CSNK1D: variants seen among roughly 807,000 people sequenced by gnomAD.
CSNK1D encodes the protein casein kinase I isoform delta.
CSNK1D carries 16 observed loss-of-function variants against 46.6 expected under a neutral mutation model. That is an observed-to-expected ratio of 0.34 (90% CI 0.23 to 0.52). CSNK1D has a LOEUF of 0.52. Among genes scored for constraint, CSNK1D ranks in the 20% least tolerant of loss-of-function variants. The pLI is 0.95. For missense variants in CSNK1D, 398 were observed against 578.4 expected, an observed-to-expected ratio of 0.69 and a Z score of 3.20; for synonymous variants, 276 against 228.2, an observed-to-expected ratio of 1.21 and a Z score of -1.89.
chr17:82,241,419 G>C (rs1294336738), downstream of CSNK1D, among the ~76,000 whole-genome samples: 1 of 152,250 alleles, frequency 6.6e-6, no homozygotes, highest in Admixed American at 6.5e-5. Flanking sequence ...TGAGGACACA[G>C]ACCCAGCCAG....
chr17:82,253,725 G>A (rs1453460373), intron 3 of CSNK1D: 2 of 341,588 alleles, frequency 5.9e-6, no homozygotes, highest in African/African-American at 2.2e-5. Flanking sequence ...CCAGTGAGCT[G>A]AGCCACCGAA....
At position 82,255,990 on chromosome 17, in the gene CSNK1D, G is replaced by A. The variant is rs112763482; in HGVS notation, c.188-413C>T. 8.9e-3 allele frequency among the ~76,000 whole-genome samples: 1,359 copies of A among 152,356 alleles called. 12 individuals carry two copies. The highest frequency in any genetic ancestry group is 0.031 in the African/African-American group (1,298 of 41,586). On this transcript the variant is annotated intron_variant, in intron 2 of 8. Coordinates refer to ENST00000314028, the MANE Select transcript of CSNK1D (RefSeq NM_001893.6). The surrounding 1 kb of genome is among the most constrained non-coding windows in gnomAD (Gnocchi z 5.9). Reference sequence around the variant, plus strand: ...GATGGGAGGAGAGAAAGCAGCTACCGTGGGTTAGGTGAGAGAAGAAAATAT... The same window carrying A: ...GATGGGAGGAGAGAAAGCAGCTACCATGGGTTAGGTGAGAGAAGAAAATAT...
chr17:82,252,340 T>A lies in CSNK1D; in HGVS notation c.736+94A>T. 6.8e-7 allele frequency: 1 copy of A among 1,464,346 alleles called. No individual in the cohort carries two copies. The highest frequency in any genetic ancestry group is 9.6e-7 in the Non-Finnish European group (1 of 1,045,992). The allele number at this position is 1,464,346 out of a possible 1,614,324, so 90.7% of individuals were successfully genotyped here. A position where few individuals can be genotyped will look rare whatever the true frequency, so the allele number is the denominator to read the frequency against. ...ACCCCTTTGGAAGGTGAGCAACTCT[T>A]CTGACAAAACCCAGACTGAGCCGTC... On this transcript the variant is annotated intron_variant, in intron 5 of 8. Transcript: ENST00000314028. The surrounding 1 kb of genome is among the most constrained non-coding windows in gnomAD (Gnocchi z 4.6).
At position 82,248,134 on chromosome 17, in the gene CSNK1D, G is replaced by A. The variant is rs1315198936; in HGVS notation, c.1197+741C>T. On this transcript the variant is annotated intron_variant, in intron 8 of 8. Coordinates refer to ENST00000314028, the MANE Select transcript of CSNK1D (RefSeq NM_001893.6). The surrounding 1 kb of genome is among the most constrained non-coding windows in gnomAD (Gnocchi z 4.1). ...GGCACCCCCCAGGATGCCTGCTGGT[G>A]AAACAGCCCTGCCCCACTAACCCTG... is the stretch of plus-strand genomic sequence containing the variant. The A allele has an allele frequency of 1.0e-6, 1 of 985,440 alleles. No individual in the cohort carries two copies. The highest frequency in any genetic ancestry group is 6.1e-5 in the Admixed American group (1 of 16,274). 61.0% of individuals were successfully genotyped at this position (985,440 alleles called of 1,614,324 possible).
chr17:82,243,998 T>C lies in CSNK1D; in HGVS notation c.*783A>G, dbSNP rs2050788479. The C allele has an allele frequency of 1.0e-6, 1 of 986,936 alleles. No individual in the cohort carries two copies. Among genetic ancestry groups the C allele is most frequent in the Non-Finnish European group, 1.2e-6 (1 of 830,952 alleles). 61.1% of individuals were successfully genotyped at this position (986,936 alleles called of 1,614,324 possible). A position where few individuals can be genotyped will look rare whatever the true frequency, so the allele number is the denominator to read the frequency against. On this transcript the variant is annotated 3_prime_UTR_variant, in exon 9 of 9. Transcript: ENST00000314028. The stretch of plus-strand genomic sequence containing the variant: ...CAGTGCTTTGCCTGGTAACACCCAC[T>C]GCACCCCTGCCCCGCGGCAGCCTGC...
At chr17:82,246,617 C>T in intron 8 of CSNK1D, 1 of 1,010,120 alleles carries the variant, frequency 9.9e-7, no homozygotes, top group Non-Finnish European at 1.2e-6. Context: ...GGGAACAGAC[C>T]CAGGCGGAGT....
rs1457808292 is a variant in CSNK1D, at chr17:82,273,661, C to T, written c.-280G>A. The T allele has an allele frequency of 5.6e-6, 3 of 538,314 alleles. No individual in the cohort carries two copies. Among genetic ancestry groups the T allele is most frequent in the Non-Finnish European group, 9.8e-6 (3 of 307,416 alleles). The allele number at this position is 538,314 out of a possible 1,614,324, so 33.3% of individuals were successfully genotyped here. A position where few individuals can be genotyped will look rare whatever the true frequency, so the allele number is the denominator to read the frequency against. On this transcript the variant is annotated 5_prime_UTR_variant, in exon 1 of 9. Transcript: ENST00000314028. This position sits in a 1 kb window ranked among gnomAD's most constrained non-coding sequence, Gnocchi z 5.1. ...GACTCGGATCTTCCGGGCCTAAATCCCCTTTCAGCTGCCTAAAGGAGCCGC... is the reference window on the plus strand; with the variant it reads ...GACTCGGATCTTCCGGGCCTAAATCTCCTTTCAGCTGCCTAAAGGAGCCGC...
intron 1 of CSNK1D, among the ~76,000 whole-genome samples, chr17:82,267,959 T>C (rs1229028940): frequency 2.0e-5 from 3 of 152,224 alleles, no homozygotes; most frequent in Non-Finnish European, 4.4e-5. Flanking sequence ...CAGCACTGAC[T>C]GTCGTGGGGC....
At chr17:82,264,989 C>G (rs183074871) in intron 2 of CSNK1D, among the ~76,000 whole-genome samples, 1 of 151,446 alleles carries the variant, frequency 6.6e-6, no homozygotes, top group African/African-American at 2.4e-5. Flanking sequence ...TTAGTAGAGA[C>G]GGGGTTTCAC....
chr17:82,250,331 G>A lies in CSNK1D; in HGVS notation c.886-729C>T. ...AGGCAACACACAGACCGACACACCT[G>A]CGGCTGCAGCACCGTGCGGCCAGCA... On this transcript the variant is annotated intron_variant, in intron 6 of 8. Transcript: ENST00000314028. The surrounding 1 kb of genome is among the most constrained non-coding windows in gnomAD (Gnocchi z 4.6). 1 of 616,292 alleles carries A rather than the reference G, an allele frequency of 1.6e-6. No individual in the cohort carries two copies. The highest frequency in any genetic ancestry group is 1.6e-5 in the South Asian group (1 of 61,180). The allele number at this position is 616,292 out of a possible 1,614,324, so 38.2% of individuals were successfully genotyped here.
intron 8 of CSNK1D, chr17:82,246,810 G>C (rs528769483): frequency 2.0e-6 from 2 of 986,830 alleles, no homozygotes; most frequent in South Asian, 9.4e-5. Flanking sequence ...ACAGGGAAGA[G>C]CGACGGCCCG....
At chr17:82,241,714 C>T (rs563488974), downstream of CSNK1D, among the ~76,000 whole-genome samples, 60 of 152,334 alleles carry the variant, frequency 3.9e-4, no homozygotes, top group Non-Finnish European at 5.4e-4. Flanking sequence ...GTGAGGCGGG[C>T]TGGAGACAGG....
chr17:82,239,124 A>AG, downstream of CSNK1D: 1 of 742,022 alleles, frequency 1.3e-6, no homozygotes, highest in Non-Finnish European at 2.1e-6. Flanking sequence ...CAGTGTTTTG[A>AG]GGGGGAAGGT....
At chr17:82,245,103 C>T (rs891148172) in intron 8 of CSNK1D, 12 of 588,652 alleles carry the variant, frequency 2.0e-5, no homozygotes, top group Admixed American at 9.0e-5. Context: ...CCGAGTGGAG[C>T]GGAGACGGGT....
At chr17:82,241,890 C>A (rs2050746024), downstream of CSNK1D, among the ~76,000 whole-genome samples, 3 of 152,216 alleles carry the variant, frequency 2.0e-5, no homozygotes, top group South Asian at 6.2e-4. Flanking sequence ...GGCGGGACAG[C>A]CCCGGAACGT....
At position 82,252,128 on chromosome 17, in the gene CSNK1D, C is replaced by A. The variant is rs2051028247; in HGVS notation, c.736+306G>T. Among the ~76,000 whole-genome samples, 1 of 152,246 alleles carries A rather than the reference C, an allele frequency of 6.6e-6. No homozygotes were observed. Among genetic ancestry groups the A allele is most frequent in the African/African-American group, 2.4e-5 (1 of 41,458 alleles). On this transcript the variant is annotated intron_variant, in intron 5 of 8. Coordinates refer to ENST00000314028, the MANE Select transcript of CSNK1D (RefSeq NM_001893.6). The surrounding 1 kb of genome is among the most constrained non-coding windows in gnomAD (Gnocchi z 4.6). Reference sequence around the variant, plus strand: ...AGAGGGCAGCCACTGCAGAGAGAGGCCCCACCACTGCCTGTCCATCCCTTT... The same window carrying A: ...AGAGGGCAGCCACTGCAGAGAGAGGACCCACCACTGCCTGTCCATCCCTTT...
chr17:82,262,011 G>C (rs537551444), intron 2 of CSNK1D, among the ~76,000 whole-genome samples: 7 of 152,306 alleles, frequency 4.6e-5, no homozygotes, highest in African/African-American at 1.4e-4. Flanking sequence ...GCTGCTTTTG[G>C]GGGATGTTAG....
At chr17:82,247,043 G>A in intron 8 of CSNK1D, 1 of 985,474 alleles carries the variant, frequency 1.0e-6, no homozygotes, top group Non-Finnish European at 1.2e-6. Flanking sequence ...GACAAAGGAG[G>A]GGGCCCGCCC....
chr17:82,256,563 C>T (rs1267819928), intron 2 of CSNK1D, among the ~76,000 whole-genome samples: 1 of 151,646 alleles, frequency 6.6e-6, no homozygotes, highest in African/African-American at 2.4e-5. Context: ...GACCTGGACA[C>T]TTCACCCAAG....
Sources: allele counts gnomAD v4.1 joint callset (sites outside exome capture counted in the v4.1 genomes callset), GRCh38; gene constraint gnomAD v4.1.1; non-coding constraint Gnocchi (gnomAD v3.1); transcripts MANE v1.5; gene names NCBI Gene and HGNC (gene_info 2026-07-23, HGNC 2026-07-21).